Variants in CYP4X1 observed in about 807,000 individuals in gnomAD.
CYP4X1 encodes the protein cytochrome P450 family 4 subfamily X member 1, also known as cytochrome P450 4X1.
Under a neutral mutation model 57.9 loss-of-function variants are expected in CYP4X1, and 44 were observed. The ratio of observed to expected loss-of-function variants is 0.76; its 90% CI spans 0.60 to 0.98. The LOEUF (loss-of-function observed/expected upper bound fraction) is 0.98. Ranked by LOEUF, CYP4X1 falls within the 50% of genes least tolerant of loss-of-function variation. The pLI, the probability that CYP4X1 is intolerant of heterozygous loss-of-function variation, is 0.00. For missense variants in CYP4X1, 532 were observed against 623.9 expected (o/e 0.85, Z 1.57); for synonymous variants, 227 against 228.6 (o/e 0.99, Z 0.06).
chr1:47,049,531 G>A, intron 11 of CYP4X1, 27 bp downstream of exon 11: 1 of 1,593,880 alleles, frequency 6.3e-7, no homozygotes, highest in Non-Finnish European at 8.6e-7. Flanking sequence ...GTTGCTGAAA[G>A]TACCCAAAGA....
intron 1 of CYP4X1, among the ~76,000 whole-genome samples, chr1:47,025,584 C>G (rs867788053): frequency 6.6e-6 from 1 of 152,142 alleles, no homozygotes; most frequent in Non-Finnish European, 1.5e-5. Context: ...TACTGCTGAT[C>G]TAAATGGTCC....
At chr1:47,012,900 A>T in the CYP4X1 span, among the ~76,000 whole-genome samples, 1 of 152,224 alleles carries the variant, frequency 6.6e-6, no homozygotes, top group Non-Finnish European at 1.5e-5. Flanking sequence ...CATTGTCTCT[A>T]ACAAAAAATA....
the CYP4X1 span, among the ~76,000 whole-genome samples, chr1:46,986,455 A>C: frequency 6.6e-6 from 1 of 152,144 alleles, no homozygotes; most frequent in South Asian, 2.1e-4. Flanking sequence ...GCTGGAAAAC[A>C]CTCTTCAGGA....
At position 47,048,680 on chromosome 1, in the gene CYP4X1, G is replaced by C. The variant is rs1644328981; in HGVS notation, c.1272+51G>C. The stretch of plus-strand genomic sequence containing the variant: ...ACTTCCAAGAACTAATGCTGTGCAA[G>C]TCACTTTTTGGTAGCTAAGCACAGA... On this transcript the variant is annotated intron_variant, in intron 10 of 11. Coordinates refer to ENST00000371901, the MANE Select transcript of CYP4X1 (RefSeq NM_178033.2). The C allele has an allele frequency of 1.3e-6, 2 of 1,534,802 alleles. 1 individual carries two copies. Among genetic ancestry groups the C allele is most frequent in the African/African-American group, 2.8e-5 (2 of 71,806 alleles).
At chr1:47,053,582 G>C (rs1644372768), downstream of CYP4X1, among the ~76,000 whole-genome samples, 1 of 152,168 alleles carries the variant, frequency 6.6e-6, no homozygotes, top group African/African-American at 2.4e-5. Flanking sequence ...AGCACCTGTT[G>C]TTTCCTGACT....
chr1:46,977,055 G>A, the CYP4X1 span, among the ~76,000 whole-genome samples: 1 of 152,080 alleles, frequency 6.6e-6, no homozygotes, highest in African/African-American at 2.4e-5. Context: ...TAAAAACCAG[G>A]GCACCTCTTC....
chr1:47,024,424 AT>A (rs1031122796), intron 1 of CYP4X1, among the ~76,000 whole-genome samples: 44 of 152,200 alleles, frequency 2.9e-4, no homozygotes, highest in Middle Eastern at 3.4e-3. Flanking sequence ...ACAAGAGAAA[AT>A]TTTCTTTTCC....
the CYP4X1 span, among the ~76,000 whole-genome samples, chr1:46,981,391 T>C: frequency 6.6e-6 from 1 of 152,194 alleles, no homozygotes; most frequent in Non-Finnish European, 1.5e-5. Flanking sequence ...AAGCTCATCA[T>C]CACTGGTCAT....
chr1:47,035,733 G>A (rs907745395), intron 4 of CYP4X1, 73 bp from the exon 5 acceptor site: 87 of 1,552,836 alleles, frequency 5.6e-5, no homozygotes, highest in Admixed American at 2.7e-4. Context: ...AACAGGGCCA[G>A]GCAGGAGCCT....
At chr1:46,984,705 G>A in the CYP4X1 span, among the ~76,000 whole-genome samples, 11 of 152,274 alleles carry the variant, frequency 7.2e-5, no homozygotes, top group South Asian at 2.1e-4. Context: ...CACGGTCTTC[G>A]CAACCTACAG....
intron 1 of CYP4X1, 114 bp downstream of exon 1, chr1:47,024,108 T>C (rs972427115): frequency 1.4e-4 from 181 of 1,325,486 alleles, no homozygotes; most frequent in Non-Finnish European, 1.8e-4. Context: ...ACCCTCCGGC[T>C]TGCACTGGCC....
At chr1:46,987,773 C>G in the CYP4X1 span, among the ~76,000 whole-genome samples, 1 of 152,142 alleles carries the variant, frequency 6.6e-6, no homozygotes, top group Admixed American at 6.5e-5. Context: ...AAAAACTGCT[C>G]CTGAATGACT....
downstream of CYP4X1, among the ~76,000 whole-genome samples, chr1:47,052,794 T>C (rs1353017341): frequency 6.6e-6 from 1 of 152,008 alleles, no homozygotes; most frequent in Non-Finnish European, 1.5e-5. Flanking sequence ...AACAAACAAA[T>C]AAATAAATAA....
chr1:47,028,753 G>C (rs1196015743), intron 1 of CYP4X1, among the ~76,000 whole-genome samples: 2 of 152,082 alleles, frequency 1.3e-5, no homozygotes, highest in African/African-American at 4.8e-5. Context: ...ATTCATGAGG[G>C]CAAAGGCCTT....
chr1:47,043,409 G>C (rs1478949827), intron 8 of CYP4X1, among the ~76,000 whole-genome samples: 1 of 152,018 alleles, frequency 6.6e-6, no homozygotes, highest in Non-Finnish European at 1.5e-5. Flanking sequence ...TGGGTTGTCT[G>C]TTTACTCTGC....
the CYP4X1 span, among the ~76,000 whole-genome samples, chr1:46,968,059 A>T: frequency 6.6e-6 from 1 of 152,100 alleles, no homozygotes; most frequent in Non-Finnish European, 1.5e-5. Context: ...CCCCATGTAG[A>T]GGGATGCCCA....
the CYP4X1 span, among the ~76,000 whole-genome samples, chr1:46,996,148 T>C: frequency 7.9e-5 from 12 of 152,350 alleles, no homozygotes; most frequent in East Asian, 7.7e-4. Context: ...TCTACGAAAC[T>C]GTTTCTTAAA....
At chr1:47,018,557 G>A in the CYP4X1 span, among the ~76,000 whole-genome samples, 1 of 152,110 alleles carries the variant, frequency 6.6e-6, no homozygotes, top group Non-Finnish European at 1.5e-5. Flanking sequence ...TCACCATTAT[G>A]GGGCACCGAA....
chr1:46,966,222 G>A, the CYP4X1 span, among the ~76,000 whole-genome samples: 1 of 152,358 alleles, frequency 6.6e-6, no homozygotes. Flanking sequence ...GGGGCCCACA[G>A]AATGACAGTG....
Sources: allele counts gnomAD v4.1 joint callset (sites outside exome capture counted in the v4.1 genomes callset), GRCh38; gene constraint gnomAD v4.1.1; transcripts MANE v1.5; gene names NCBI Gene and HGNC (gene_info 2026-07-23, HGNC 2026-07-21).